ARHGEF26: variants seen among roughly 807,000 people sequenced by gnomAD.
ARHGEF26 encodes Rho guanine nucleotide exchange factor 26.
In ARHGEF26, 59 loss-of-function variants were observed where a neutral mutation model predicts 89.4. That is an observed-to-expected ratio of 0.66 (90% CI 0.54 to 0.82). The LOEUF (loss-of-function observed/expected upper bound fraction) is 0.82, where lower values mean the gene tolerates loss of function less well. Among genes scored for constraint, ARHGEF26 ranks in the 40% least tolerant of loss-of-function variants. ARHGEF26 has a pLI of 0.00. For missense variants in ARHGEF26, 1,234 were observed against 1,085.6 expected, an observed-to-expected ratio of 1.14 and a Z score of -1.92; for synonymous variants, 500 against 428.4, an observed-to-expected ratio of 1.17 and a Z score of -2.06.
chr3:154,129,418 A>G (rs574316844), intron 3 of ARHGEF26, among the ~76,000 whole-genome samples, 156 bp from the exon 4 acceptor site: 2 of 152,144 alleles, frequency 1.3e-5, no homozygotes, highest in Non-Finnish European at 2.9e-5. Flanking sequence ...GAATGAGAAA[A>G]TCACTTTTCT....
At position 154,257,055 on chromosome 3, in the gene ARHGEF26, A is replaced by G. The variant is rs1718568765; in HGVS notation, c.*1582A>G. ...TCAAATCTGTATGTGACATGTCCCAACTACTGTCCGCTAACTAGTTATCCA... is the reference window on the plus strand; with the variant it reads ...TCAAATCTGTATGTGACATGTCCCAGCTACTGTCCGCTAACTAGTTATCCA... On this transcript the variant is annotated 3_prime_UTR_variant, in exon 15 of 15. Coordinates refer to ENST00000465093, the MANE Select transcript of ARHGEF26 (RefSeq NM_015595.4). The G allele has an allele frequency of 6.5e-6, 9 of 1,386,420 alleles. No individual in the cohort carries two copies. Among genetic ancestry groups the G allele is most frequent in the Non-Finnish European group, 8.4e-6 (9 of 1,069,466 alleles). The allele number at this position is 1,386,420 out of a possible 1,614,324, so 85.9% of individuals were successfully genotyped here. A position where few individuals can be genotyped will look rare whatever the true frequency, so the allele number is the denominator to read the frequency against.
intron 6 of ARHGEF26, among the ~76,000 whole-genome samples, chr3:154,172,529 A>C (rs1712516061): frequency 6.6e-6 from 1 of 152,144 alleles, no homozygotes; most frequent in Non-Finnish European, 1.5e-5. Context: ...CCCCATCTTT[A>C]CTAAAAATAA....
intron 9 of ARHGEF26, among the ~76,000 whole-genome samples, chr3:154,213,786 A>G (rs1715552387): frequency 6.6e-6 from 1 of 152,184 alleles, no homozygotes; most frequent in South Asian, 2.1e-4. Flanking sequence ...AAAGACGGGA[A>G]GATAACTATG....
At chr3:154,252,981 C>T in intron 12 of ARHGEF26, 135 bp from the exon 13 acceptor site, 1 of 878,238 alleles carries the variant, frequency 1.1e-6, no homozygotes, top group Admixed American at 2.7e-5. Context: ...TTAAACTACT[C>T]TCACCCTGTT....
chr3:154,257,144 T>TGTCA lies in ARHGEF26; in HGVS notation c.*1672_*1675dup. 1 of 745,312 alleles carries TGTCA rather than the reference T, an allele frequency of 1.3e-6. No homozygotes were observed. Among genetic ancestry groups the TGTCA allele is most frequent in the Non-Finnish European group, 2.0e-6 (1 of 498,366 alleles). The allele number at this position is 745,312 out of a possible 1,614,324, so 46.2% of individuals were successfully genotyped here. On this transcript the variant is annotated 3_prime_UTR_variant, in exon 15 of 15. Transcript: ENST00000465093. Reference sequence around the variant, plus strand: ...TGCCTGGCTCACACAGCCTGCACCCTGTCACCTCGGCAATGAGCCAGTGTG... The same window carrying TGTCA: ...TGCCTGGCTCACACAGCCTGCACCCTGTCAGTCACCTCGGCAATGAGCCAGTGTG...
In ARHGEF26 at chr3:154,129,807, C is replaced by T. The variant is rs16823679; in HGVS notation, c.1269+88C>T. ...GGATTTGGCTTTTGTTCTTTTCTGC[C>T]AGTGATCCTGTAACTAAGGAGAAAG... On this transcript the variant is annotated intron_variant, in intron 4 of 14. Coordinates refer to ENST00000465093, the MANE Select transcript of ARHGEF26 (RefSeq NM_015595.4). 4.8e-3 allele frequency: 6,792 copies of T among 1,414,416 alleles called. 245 individuals carry two copies. In the African/African-American group the frequency reaches 0.085, roughly 18 times the overall value. The allele number at this position is 1,414,416 out of a possible 1,614,324, so 87.6% of individuals were successfully genotyped here. A position where few individuals can be genotyped will look rare whatever the true frequency, so the allele number is the denominator to read the frequency against.
chr3:154,135,738 G>A (rs759754944), intron 4 of ARHGEF26, among the ~76,000 whole-genome samples: 2 of 152,218 alleles, frequency 1.3e-5, no homozygotes, highest in African/African-American at 2.4e-5. Context: ...TTAATGCCAG[G>A]TGTGTAGTCA....
In ARHGEF26 at chr3:154,256,786, A is replaced by G. The variant is rs919661835; in HGVS notation, c.*1313A>G. 32 of 1,479,280 alleles carry G rather than the reference A, an allele frequency of 2.2e-5. No homozygotes were observed. The highest frequency in any genetic ancestry group is 3.5e-4 in the Middle Eastern group (2 of 5,730). 91.6% of individuals were successfully genotyped at this position (1,479,280 alleles called of 1,614,324 possible). A position where few individuals can be genotyped will look rare whatever the true frequency, so the allele number is the denominator to read the frequency against. ...TTTGACCTTAGTGGGAATTCATTCT[A>G]TTTGCACTAAAAGCCTTAACTTGCT... On this transcript the variant is annotated 3_prime_UTR_variant, in exon 15 of 15. Coordinates refer to ENST00000465093, the MANE Select transcript of ARHGEF26 (RefSeq NM_015595.4).
chr3:154,159,192 C>T (rs940138605), intron 6 of ARHGEF26, among the ~76,000 whole-genome samples: 3 of 152,024 alleles, frequency 2.0e-5, no homozygotes, highest in Non-Finnish European at 2.9e-5. Flanking sequence ...GTTATGTTAA[C>T]AGTCTTTCAT....
intron 9 of ARHGEF26, among the ~76,000 whole-genome samples, chr3:154,215,945 T>G (rs973620812): frequency 6.6e-6 from 1 of 152,220 alleles, no homozygotes; most frequent in Admixed American, 6.5e-5. Context: ...CATACAAGCA[T>G]AGAATGATCA....
chr3:154,187,642 G>T (rs1229364335), intron 6 of ARHGEF26, 43 bp from the exon 7 acceptor site: 2 of 1,524,544 alleles, frequency 1.3e-6, no homozygotes, highest in Non-Finnish European at 1.8e-6. Context: ...CTGTTAGAGT[G>T]TATGAAAGAA....
Position 154,121,977 on chromosome 3 carries a change from A to G in ARHGEF26, c.-16A>G. The G allele has an allele frequency of 6.3e-7, 1 of 1,575,992 alleles. No homozygotes were observed. Among genetic ancestry groups the G allele is most frequent in the Non-Finnish European group, 8.7e-7 (1 of 1,155,540 alleles). On this transcript the variant is annotated 5_prime_UTR_variant, in exon 2 of 15. Coordinates refer to ENST00000465093, the MANE Select transcript of ARHGEF26 (RefSeq NM_015595.4). ...CTCGGTGTTGCTCCTCCCGGCGCTG[A>G]CTTCGAGGCCCGGCTATGGACGGCG...
intron 12 of ARHGEF26, among the ~76,000 whole-genome samples, 165 bp from the exon 13 acceptor site, chr3:154,252,951 G>C (rs1718248669): frequency 6.6e-6 from 1 of 152,086 alleles, no homozygotes; most frequent in Non-Finnish European, 1.5e-5. Flanking sequence ...GCTTATTTTA[G>C]ACTTTCCAGC....
intron 6 of ARHGEF26, among the ~76,000 whole-genome samples, 191 bp from the exon 7 acceptor site, chr3:154,187,494 C>T (rs143464714): frequency 2.7e-5 from 4 of 150,932 alleles, no homozygotes; most frequent in African/African-American, 9.7e-5. Context: ...CAATGCTCAT[C>T]CTCAAGGAGG....
chr3:154,204,025 A>T (rs187560912), intron 9 of ARHGEF26, among the ~76,000 whole-genome samples: 1 of 151,824 alleles, frequency 6.6e-6, no homozygotes, highest in Admixed American at 6.6e-5. Flanking sequence ...ATTAGTTTGG[A>T]AGTATTCCCT....
intron 4 of ARHGEF26, 37 bp from the exon 5 acceptor site, chr3:154,149,352 A>G (rs779938233): frequency 1.9e-6 from 3 of 1,557,272 alleles, no homozygotes; most frequent in Non-Finnish European, 2.6e-6. Flanking sequence ...TTAAAGTATT[A>G]ATAAATGAGT....
intron 10 of ARHGEF26, among the ~76,000 whole-genome samples, chr3:154,224,146 A>G (rs1716320854): frequency 6.6e-6 from 1 of 152,186 alleles, no homozygotes; most frequent in African/African-American, 2.4e-5. Context: ...GAATTCACTC[A>G]TGCTCACTTT....
At chr3:154,254,942 A>G in intron 14 of ARHGEF26, 118 bp downstream of exon 14, 2 of 850,982 alleles carry the variant, frequency 2.4e-6, no homozygotes, top group Non-Finnish European at 3.8e-6. Flanking sequence ...TTAATGTTTG[A>G]GATCACATAT....
rs548071198 is a variant in ARHGEF26, at chr3:154,160,863, G to A, written c.1487+7931G>A. On this transcript the variant is annotated intron_variant, in intron 6 of 14. Transcript: ENST00000465093. ...GTTGGGTAAAGGTGTGACTAAAACTGCAAGTTTCATGCAAATCTGTTTGAG... is the reference window on the plus strand; with the variant it reads ...GTTGGGTAAAGGTGTGACTAAAACTACAAGTTTCATGCAAATCTGTTTGAG... Among the ~76,000 whole-genome samples, 6 of 152,226 alleles carry A rather than the reference G, an allele frequency of 3.9e-5. No individual in the cohort carries two copies. The East Asian group carries it at 5.8e-4, about 15-fold the overall frequency.
Sources: allele counts gnomAD v4.1 joint callset (sites outside exome capture counted in the v4.1 genomes callset), GRCh38; gene constraint gnomAD v4.1.1; transcripts MANE v1.5; gene names NCBI Gene and HGNC (gene_info 2026-07-23, HGNC 2026-07-21).